CDK19: variants seen among roughly 807,000 people sequenced by gnomAD.
CDK19 encodes cyclin dependent kinase 19, also known as cyclin-dependent kinase 19.
CDK19 carries 20 observed loss-of-function variants against 68.3 expected under a neutral mutation model. The ratio of observed to expected loss-of-function variants is 0.29; its 90% confidence interval spans 0.21 to 0.43. The LOEUF (loss-of-function observed/expected upper bound fraction) is 0.43, where lower values mean the gene tolerates loss of function less well. Ranked by LOEUF, CDK19 falls within the 20% of genes least tolerant of loss-of-function variation. The probability of loss-of-function intolerance (pLI) is 1.00; values close to 1 mark genes in which losing one functional copy is unlikely to be tolerated. For synonymous variants in CDK19, 221 were observed against 222.8 expected, an observed-to-expected ratio of 0.99 and a Z score of 0.07; for missense variants, 339 against 623.5, an observed-to-expected ratio of 0.54 and a Z score of 4.86.
chr6:110,815,837 G>A (rs1289667305), upstream of CDK19: 1 of 152,478 alleles, frequency 6.6e-6, no homozygotes, highest in East Asian at 1.9e-4. Context: ...CAGTGACTCG[G>A]GAGGCGAGGG....
intron 3 of CDK19, among the ~76,000 whole-genome samples, chr6:110,668,061 A>C (rs1038836667): frequency 2.0e-5 from 3 of 152,222 alleles, no homozygotes; most frequent in African/African-American, 7.2e-5. Context: ...TTAATGTTAA[A>C]TATGAAATTG....
Position 110,610,294 on chromosome 6 carries a change from C to T in CDK19, c.*4241G>A, listed in dbSNP as rs1419018609. 1 of 152,538 alleles carries T rather than the reference C, an allele frequency of 6.6e-6. No homozygotes were observed. The highest frequency in any genetic ancestry group is 1.5e-5 in the Non-Finnish European group (1 of 68,030). The allele number at this position is 152,538 out of a possible 1,614,324, so 9.4% of individuals were successfully genotyped here. On this transcript the variant is annotated 3_prime_UTR_variant, in exon 13 of 13. Transcript: ENST00000368911. ...CACAAATAGGAATTATAGGAATATA[C>T]AAACTAGGCAGTTTAGAAAGGATAT...
At chr6:110,640,835 T>C (rs10457219) in intron 4 of CDK19, among the ~76,000 whole-genome samples, 5,182 of 152,136 alleles carry the variant, frequency 0.034, 124 homozygotes, top group Middle Eastern at 0.082. Context: ...CACATGCCTG[T>C]GGTCCCAGCT....
At chr6:110,737,072 C>T (rs927381568) in intron 2 of CDK19, among the ~76,000 whole-genome samples, 1 of 152,174 alleles carries the variant, frequency 6.6e-6, no homozygotes, top group African/African-American at 2.4e-5. Flanking sequence ...GCCACCAATT[C>T]TTCAAAGAAG....
rs764451268 is a variant in CDK19 at position 110,621,346 on chromosome 6, G to A, written c.1135C>T (p.His379Tyr). ...TGTGGAGGGGCTGTGGGCTGCTGAT[G>A]CTGGTTCTGCTGCTGTTGCTGATTC... ...DKNQQQQQNQ[H>Y]QQPTAPPQQA... Residue 379 changes from histidine to tyrosine, a missense_variant, in exon 12 of 13, where the codon CAT becomes TAT. Transcript: ENST00000368911. This position sits in a 1 kb window ranked among gnomAD's most constrained non-coding sequence, Gnocchi z 5.4. 12 of 1,559,900 alleles carry A rather than the reference G, an allele frequency of 7.7e-6. No homozygotes were observed. The South Asian group carries it at 1.4e-4, about 19-fold the overall frequency.
intron 2 of CDK19, among the ~76,000 whole-genome samples, chr6:110,674,462 G>A (rs1771303223): frequency 1.3e-5 from 2 of 152,206 alleles, no homozygotes; most frequent in African/African-American, 4.8e-5. Context: ...TAGCCAAGTT[G>A]TGAATGCAAA....
At chr6:110,653,182 C>T (rs1781083324) in intron 4 of CDK19, among the ~76,000 whole-genome samples, 1 of 152,100 alleles carries the variant, frequency 6.6e-6, no homozygotes, top group Non-Finnish European at 1.5e-5. Context: ...CAAAGCATTT[C>T]ACATCCATCA....
intron 1 of CDK19, among the ~76,000 whole-genome samples, chr6:110,775,122 G>A (rs189042220): frequency 1.4e-4 from 21 of 152,214 alleles, no homozygotes; most frequent in Admixed American, 1.2e-3. Flanking sequence ...GCATGCGCCT[G>A]TAGTCCCAGC....
At chr6:110,806,116 G>A (rs1446969045) in intron 1 of CDK19, among the ~76,000 whole-genome samples, 2 of 152,132 alleles carry the variant, frequency 1.3e-5, no homozygotes, top group Non-Finnish European at 2.9e-5. Context: ...GAGGTGGGCA[G>A]ATCACCTGAG....
At chr6:110,741,286 T>C (rs1777643128) in intron 2 of CDK19, among the ~76,000 whole-genome samples, 1 of 150,632 alleles carries the variant, frequency 6.6e-6, no homozygotes, top group African/African-American at 2.4e-5. Flanking sequence ...TGAGACCTCA[T>C]CTTTACAAAA....
intron 5 of CDK19, among the ~76,000 whole-genome samples, chr6:110,637,169 T>C (rs1779834593): frequency 6.6e-6 from 1 of 152,240 alleles, no homozygotes; most frequent in Non-Finnish European, 1.5e-5. Context: ...AAAGTACATA[T>C]TGCAATGTAT....
At chr6:110,692,594 C>T (rs1340777176) in intron 2 of CDK19, among the ~76,000 whole-genome samples, 1 of 152,156 alleles carries the variant, frequency 6.6e-6, no homozygotes, top group Non-Finnish European at 1.5e-5. Flanking sequence ...ACTTCCTGGC[C>T]TTTGGCTAGA....
intron 2 of CDK19, among the ~76,000 whole-genome samples, chr6:110,704,379 C>A (rs1330934536): frequency 6.6e-6 from 1 of 152,050 alleles, no homozygotes; most frequent in East Asian, 1.9e-4. Flanking sequence ...TTACTACTTA[C>A]CTTACATTAT....
chr6:110,625,690 G>C (rs536223838), intron 8 of CDK19, among the ~76,000 whole-genome samples: 1 of 152,186 alleles, frequency 6.6e-6, no homozygotes, highest in Non-Finnish European at 1.5e-5. Context: ...CAAAATCATA[G>C]AGTCTGAATG....
At position 110,814,680 on chromosome 6, in the gene CDK19, C is replaced by G. The variant is rs908693168; in HGVS notation, c.128+329G>C. 3.7e-5 allele frequency: 20 copies of G among 538,064 alleles called. No individual in the cohort carries two copies. In the East Asian group the frequency reaches 4.2e-4, roughly 11 times the overall value. 33.3% of individuals were successfully genotyped at this position (538,064 alleles called of 1,614,324 possible). On this transcript the variant is annotated intron_variant, in intron 1 of 12. Coordinates refer to ENST00000368911, the MANE Select transcript of CDK19 (RefSeq NM_015076.5). ...GCTCTGCCTGCCCGCTGCGTTCCCC[C>G]AAGAGACTAGACCCCACAAACTCCT... is the stretch of plus-strand genomic sequence containing the variant.
chr6:110,687,480 C>G (rs148694265), intron 2 of CDK19, among the ~76,000 whole-genome samples: 2,120 of 152,300 alleles, frequency 0.014, 52 homozygotes, highest in African/African-American at 0.049. Context: ...ATAAGGAAAG[C>G]AGCTAAATGA....
chr6:110,667,378 AT>A, intron 4 of CDK19, 55 bp downstream of exon 4: 1 of 1,176,028 alleles, frequency 8.5e-7, no homozygotes, highest in Non-Finnish European at 1.2e-6. Context: ...AAGAAAATAT[AT>A]TTTTTAAAAG....
At chr6:110,805,869 C>T (rs1376802588) in intron 1 of CDK19, among the ~76,000 whole-genome samples, 7 of 151,808 alleles carry the variant, frequency 4.6e-5, no homozygotes, top group Non-Finnish European at 1.0e-4. Context: ...ATGCCTTTTC[C>T]ATGCTCCTAA....
chr6:110,812,444 G>A (rs1041976001), intron 1 of CDK19, among the ~76,000 whole-genome samples: 2 of 152,098 alleles, frequency 1.3e-5, no homozygotes, highest in African/African-American at 4.8e-5. Flanking sequence ...TTAATTAAAG[G>A]TGAAAAACTC....
Sources: gnomAD v4.1 joint callset for allele counts (sites outside exome capture counted in the v4.1 genomes callset) on GRCh38, gnomAD v4.1.1 for gene constraint, Gnocchi (gnomAD v3.1) non-coding constraint, MANE v1.5 for transcripts, NCBI Gene and HGNC (gene_info 2026-07-23, HGNC 2026-07-21) for gene names.